CNTNAP5: variants seen among roughly 807,000 people sequenced by gnomAD.
CNTNAP5 encodes contactin associated protein family member 5.
A neutral mutation model predicts 150.2 loss-of-function variants in CNTNAP5; 72 were observed. That is an observed-to-expected ratio of 0.48 (90% CI 0.40 to 0.58). CNTNAP5 has a LOEUF of 0.58. Ranked by LOEUF, CNTNAP5 falls within the 20% of genes least tolerant of loss-of-function variation. CNTNAP5 has a pLI of 0.00. For synonymous variants in CNTNAP5, 672 were observed against 619.8 expected, an observed-to-expected ratio of 1.08 and a Z score of -1.25; for missense variants, 1,636 against 1,626.2, an observed-to-expected ratio of 1.01 and a Z score of -0.10.
intron 3 of CNTNAP5, among the ~76,000 whole-genome samples, chr2:124,375,955 G>T (rs1001955975): frequency 6.6e-6 from 1 of 151,924 alleles, no homozygotes; most frequent in Non-Finnish European, 1.5e-5. Context: ...CCTCAAAATG[G>T]AACCAAAGGT....
At chr2:124,745,578 T>C (rs1334406809) in intron 13 of CNTNAP5, among the ~76,000 whole-genome samples, 1 of 152,198 alleles carries the variant, frequency 6.6e-6, no homozygotes, top group African/African-American at 2.4e-5. Context: ...AAACAATTCA[T>C]GTGTAGTATT....
At chr2:124,524,250 C>G (rs1484974640) in intron 8 of CNTNAP5, 53 bp from the exon 9 acceptor site, 13 of 1,595,522 alleles carry the variant, frequency 8.1e-6, no homozygotes, top group African/African-American at 2.7e-5. Flanking sequence ...CCCCCTCTCT[C>G]TAAGTCTTCT....
At chr2:124,491,040 T>C (rs191270129) in intron 7 of CNTNAP5, among the ~76,000 whole-genome samples, 1 of 152,306 alleles carries the variant, frequency 6.6e-6, no homozygotes, top group East Asian at 1.9e-4. Flanking sequence ...ATAAAGATAG[T>C]ATATATGTTC....
intron 13 of CNTNAP5, among the ~76,000 whole-genome samples, chr2:124,690,154 A>G (rs1466235686): frequency 4.6e-5 from 7 of 152,114 alleles, no homozygotes; most frequent in African/African-American, 1.2e-4. Flanking sequence ...AAAATCATCT[A>G]TATCTATTAA....
Position 124,874,959 on chromosome 2 carries a change from C to CA in CNTNAP5, c.3436+5205dup, listed in dbSNP as rs959794063. Reference sequence around the variant, plus strand: ...TCTAGATTTCAATATTTACTTGCCTCAAAAAAAATACAGAAATTGAAAGAA... The same window carrying CA: ...TCTAGATTTCAATATTTACTTGCCTCAAAAAAAAATACAGAAATTGAAAGAA... On this transcript the variant is annotated intron_variant, in intron 21 of 23. Coordinates refer to ENST00000682447, the MANE Select transcript of CNTNAP5 (RefSeq NM_001367498.1). Among the ~76,000 whole-genome samples the CA allele has an allele frequency of 4.3e-4, 65 of 151,516 alleles. No individual in the cohort carries two copies. In the East Asian group the frequency reaches 5.1e-3, roughly 12 times the overall value.
At chr2:124,329,616 G>A (rs1028252135) in intron 3 of CNTNAP5, among the ~76,000 whole-genome samples, 1 of 152,010 alleles carries the variant, frequency 6.6e-6, no homozygotes, top group Non-Finnish European at 1.5e-5. Flanking sequence ...CAAAAACTAA[G>A]TTGGTGGCCG....
chr2:124,853,646 T>C (rs534270919), intron 19 of CNTNAP5, among the ~76,000 whole-genome samples: 1 of 152,244 alleles, frequency 6.6e-6, no homozygotes, highest in South Asian at 2.1e-4. Flanking sequence ...TCTAATTACC[T>C]CCACGCATTT....
At chr2:124,463,772 C>T (rs1243803983) in intron 6 of CNTNAP5, among the ~76,000 whole-genome samples, 1 of 152,142 alleles carries the variant, frequency 6.6e-6, no homozygotes, top group Non-Finnish European at 1.5e-5. Flanking sequence ...TGGGACTTTT[C>T]ATTGAGAAGG....
intron 11 of CNTNAP5, among the ~76,000 whole-genome samples, chr2:124,575,238 A>G (rs909639095): frequency 6.6e-6 from 1 of 152,208 alleles, no homozygotes; most frequent in African/African-American, 2.4e-5. Context: ...TTCTTCAGAT[A>G]TATCATGCTC....
Position 124,592,375 on chromosome 2 carries a change from ATGTG to A in CNTNAP5, c.1757-17410_1757-17407del, listed in dbSNP as rs10675321. Among the ~76,000 whole-genome samples the A allele has an allele frequency of 8.0e-3, 1,204 of 149,834 alleles. 14 individuals are homozygous for A. The highest frequency in any genetic ancestry group is 0.026 in the African/African-American group (1,042 of 40,802). ...TATATGTATACGTGTGTATATATATATGTGTGTGTGTGTGTGTGTATCAAAATAA... is the reference window on the plus strand; with the variant it reads ...TATATGTATACGTGTGTATATATATATGTGTGTGTGTGTGTATCAAAATAA... On this transcript the variant is annotated intron_variant, in intron 11 of 23. Coordinates refer to ENST00000682447, the MANE Select transcript of CNTNAP5 (RefSeq NM_001367498.1).
rs547809408 is a variant in CNTNAP5, at chr2:124,105,868, T to C, written c.82+80136T>C. On this transcript the variant is annotated intron_variant, in intron 1 of 23. Transcript: ENST00000682447. ...ATATTGATGCTTTCCTAGTGATTAT[T>C]TTTTTGAGAATTTTCAATGGATCAT... Among the ~76,000 whole-genome samples the C allele has an allele frequency of 9.7e-4, 148 of 152,300 alleles. 4 individuals are homozygous for C. In the South Asian group the frequency reaches 0.029, roughly 30 times the overall value.
intron 21 of CNTNAP5, among the ~76,000 whole-genome samples, chr2:124,898,184 C>T (rs1249165208): frequency 6.6e-6 from 1 of 151,194 alleles, no homozygotes; most frequent in Non-Finnish European, 1.5e-5. Flanking sequence ...TATATTTTAC[C>T]TTGATACAAC....
chr2:124,479,019 A>T (rs1474400951), intron 7 of CNTNAP5, among the ~76,000 whole-genome samples: 1 of 152,148 alleles, frequency 6.6e-6, no homozygotes, highest in African/African-American at 2.4e-5. Context: ...TTCCATAGGG[A>T]TAATTCAATT....
At chr2:124,472,696 T>C (rs1433807991) in intron 6 of CNTNAP5, among the ~76,000 whole-genome samples, 3 of 151,878 alleles carry the variant, frequency 2.0e-5, no homozygotes, top group East Asian at 1.9e-4. Flanking sequence ...GGTTTTGTAG[T>C]ACATATAAAA....
chr2:124,508,406 A>C (rs546219082), intron 8 of CNTNAP5, among the ~76,000 whole-genome samples: 3 of 152,332 alleles, frequency 2.0e-5, no homozygotes, highest in Non-Finnish European at 4.4e-5. Flanking sequence ...GTGAGCTGGC[A>C]TTGAGCTGTT....
At chr2:124,182,115 A>T (rs894510083) in intron 1 of CNTNAP5, among the ~76,000 whole-genome samples, 1 of 152,190 alleles carries the variant, frequency 6.6e-6, no homozygotes, top group Non-Finnish European at 1.5e-5. Context: ...AACTACTTAC[A>T]AATATAATTT....
chr2:124,167,483 GA>G (rs1490933939), intron 1 of CNTNAP5, among the ~76,000 whole-genome samples: 3 of 151,854 alleles, frequency 2.0e-5, no homozygotes, highest in Non-Finnish European at 2.9e-5. Flanking sequence ...AAAAATTCTT[GA>G]AAAAAACACT....
chr2:124,882,449 GAACTTGTATTCAAAGGGC>G (rs1260367623), intron 21 of CNTNAP5, among the ~76,000 whole-genome samples: 1 of 152,094 alleles, frequency 6.6e-6, no homozygotes, highest in Non-Finnish European at 1.5e-5. Flanking sequence ...TTAAAGCATG[GAACTTGTATTCAAAGGGC>G]ATCATTAAAA....
At chr2:124,120,279 A>G (rs114869861) in intron 1 of CNTNAP5, among the ~76,000 whole-genome samples, 3,202 of 152,314 alleles carry the variant, frequency 0.021, 49 homozygotes, top group Middle Eastern at 0.037. Context: ...CTGAGCTGCA[A>G]AGGATAGAGA....
Sources: allele counts gnomAD v4.1 joint callset (sites outside exome capture counted in the v4.1 genomes callset), GRCh38; gene constraint gnomAD v4.1.1; transcripts MANE v1.5; gene names NCBI Gene and HGNC (gene_info 2026-07-23, HGNC 2026-07-21).